Variants in LAMA2 observed in about 807,000 individuals in gnomAD.
LAMA2 encodes laminin subunit alpha 2.
A neutral mutation model predicts 364.8 loss-of-function variants in LAMA2; 269 were observed. The observed-to-expected ratio is 0.74, with a 90% CI of 0.67 to 0.82. LAMA2 has a LOEUF of 0.82. Among genes scored for constraint, LAMA2 ranks in the 40% least tolerant of loss-of-function variants. LAMA2 has a pLI of 0.00. For missense variants in LAMA2, 3,807 were observed against 3,873.2 expected, an observed-to-expected ratio of 0.98 and a Z score of 0.45; for synonymous variants, 1,379 against 1,370.6, an observed-to-expected ratio of 1.01 and a Z score of -0.14.
intron 34 of LAMA2, among the ~76,000 whole-genome samples, chr6:129,378,012 G>T (rs1778473046): frequency 6.6e-6 from 1 of 151,700 alleles, no homozygotes; most frequent in Admixed American, 6.6e-5. Context: ...CAACATAAAA[G>T]AAAAGGTAAT....
chr6:128,976,411 A>T (rs371724487), intron 1 of LAMA2, among the ~76,000 whole-genome samples: 6 of 152,258 alleles, frequency 3.9e-5, no homozygotes, highest in African/African-American at 1.4e-4. Flanking sequence ...ATGATTTGGG[A>T]ATTTTGGCAT....
intron 37 of LAMA2, 130 bp downstream of exon 37, chr6:129,393,385 C>T: frequency 2.7e-6 from 2 of 736,678 alleles, no homozygotes; most frequent in East Asian, 2.7e-5. Flanking sequence ...TGAAAGGGGG[C>T]TTCTAAGAAA....
At chr6:129,420,051 CAAG>C (rs988400208) in intron 40 of LAMA2, among the ~76,000 whole-genome samples, 4 of 151,746 alleles carry the variant, frequency 2.6e-5, no homozygotes, top group African/African-American at 9.7e-5. Context: ...TACAGAAAAG[CAAG>C]AAGAAGAAAA....
intron 55 of LAMA2, among the ~76,000 whole-genome samples, chr6:129,482,174 C>T (rs769824186): frequency 3.3e-5 from 5 of 152,142 alleles, no homozygotes; most frequent in South Asian, 4.1e-4. Flanking sequence ...TGGGCATGGT[C>T]GTGCACAACT....
chr6:129,418,699 T>C (rs1412567636), intron 40 of LAMA2, among the ~76,000 whole-genome samples: 1 of 152,078 alleles, frequency 6.6e-6, no homozygotes. Flanking sequence ...AATTAGATGA[T>C]CTGGCTCCAA....
At chr6:128,926,821 G>C (rs2114503303) in intron 1 of LAMA2, among the ~76,000 whole-genome samples, 1 of 152,282 alleles carries the variant, frequency 6.6e-6, no homozygotes, top group African/African-American at 2.4e-5. Flanking sequence ...AGATGTTTTA[G>C]TATTCATCAG....
intron 12 of LAMA2, among the ~76,000 whole-genome samples, chr6:129,213,337 A>G (rs434529): frequency 0.057 from 8,691 of 152,288 alleles, 822 homozygotes; most frequent in African/African-American, 0.2. Context: ...TGCTATAAAC[A>G]CTTATGTGAT....
chr6:129,349,325 A>T lies in LAMA2; in HGVS notation c.4464A>T (p.Gly1488=), dbSNP rs750264537. Residue 1488 remains glycine, a synonymous_variant, in exon 31 of 65, where the codon GGA becomes GGT. Coordinates refer to ENST00000421865, the MANE Select transcript of LAMA2 (RefSeq NM_000426.4). The part of the protein sequence containing the change: ...NNFSPSCVAE[G]LDDYRCTACP... ...TCAGCCCCTCTTGTGTCGCAGAAGG[A>T]CTTGACGACTACCGCTGCACGGCTT... The T allele has an allele frequency of 8.7e-6, 14 of 1,613,480 alleles. No individual in the cohort carries two copies. Among genetic ancestry groups the T allele is most frequent in the Non-Finnish European group, 1.2e-5 (14 of 1,179,646 alleles).
intron 34 of LAMA2, among the ~76,000 whole-genome samples, chr6:129,374,732 C>A (rs1391308514): frequency 6.6e-6 from 1 of 150,606 alleles, no homozygotes. Flanking sequence ...CACCTGCTAC[C>A]ATGCCCAGCT....
intron 4 of LAMA2, among the ~76,000 whole-genome samples, chr6:129,133,858 A>T (rs527488631): frequency 6.6e-5 from 10 of 152,130 alleles, no homozygotes; most frequent in African/African-American, 2.4e-4. Flanking sequence ...ACACACACAG[A>T]GACAATTCAA....
intron 1 of LAMA2, among the ~76,000 whole-genome samples, chr6:128,930,514 A>T (rs1468193378): frequency 3.3e-5 from 5 of 152,144 alleles, no homozygotes; most frequent in Non-Finnish European, 5.9e-5. Context: ...TTCCAGATGG[A>T]TGCCTGAGTG....
chr6:129,053,696 T>C (rs1221934087), intron 2 of LAMA2, among the ~76,000 whole-genome samples: 3 of 152,316 alleles, frequency 2.0e-5, no homozygotes, highest in East Asian at 3.9e-4. Context: ...CCCTTGCTTT[T>C]GACAACATGG....
chr6:129,505,680 T>G (rs2114902853), intron 61 of LAMA2, among the ~76,000 whole-genome samples: 1 of 152,078 alleles, frequency 6.6e-6, no homozygotes, highest in East Asian at 2.0e-4. Context: ...GGCTAATTTT[T>G]TGTACTTTTA....
intron 1 of LAMA2, chr6:128,929,595 A>G: frequency 1.5e-6 from 2 of 1,311,642 alleles, no homozygotes; most frequent in Non-Finnish European, 2.2e-6. Flanking sequence ...GGAGCCCCAG[A>G]TGCCGCAAAA....
chr6:129,393,277 A>G (rs1210635305), intron 37 of LAMA2, 22 bp downstream of exon 37: 3 of 1,575,248 alleles, frequency 1.9e-6, no homozygotes, highest in African/African-American at 1.3e-5. Context: ...GGGCACTTTT[A>G]TCTTAATCTC....
Position 129,410,277 on chromosome 6 carries a change from T to C in LAMA2, c.5865+6318T>C, listed in dbSNP as rs554608667. 2.0e-5 allele frequency among the ~76,000 whole-genome samples: 3 copies of C among 152,216 alleles called. No homozygotes were observed. The South Asian group carries it at 6.2e-4, about 32-fold the overall frequency. ...GTCAGTGGAATAGTCTAGTTTAACT[T>C]TGATGTAGAAAATTTAGGCAGTCCT... On this transcript the variant is annotated intron_variant, in intron 40 of 64. Transcript: ENST00000421865.
chr6:128,909,181 T>C (rs1777711298), intron 1 of LAMA2, among the ~76,000 whole-genome samples: 2 of 152,052 alleles, frequency 1.3e-5, no homozygotes, highest in Non-Finnish European at 2.9e-5. Flanking sequence ...GTTCAATTCC[T>C]GGGTATCCTT....
At chr6:128,996,631 T>A (rs1783959024) in intron 1 of LAMA2, among the ~76,000 whole-genome samples, 1 of 152,200 alleles carries the variant, frequency 6.6e-6, no homozygotes, top group Non-Finnish European at 1.5e-5. Flanking sequence ...AAACAACAGA[T>A]GCTGGAGAGG....
At position 129,486,552 on chromosome 6, in the gene LAMA2, G is replaced by GTCA. The variant is rs1562608819; in HGVS notation, c.7829_7830insCAT (p.Val2610_Ile2611insMet). 1 of 1,613,988 alleles carries GTCA rather than the reference G, an allele frequency of 6.2e-7. No individual in the cohort carries two copies. Among genetic ancestry groups the GTCA allele is most frequent in the Admixed American group, 1.7e-5 (1 of 60,014 alleles). On this transcript the variant is annotated inframe_insertion, in exon 56 of 65. Transcript: ENST00000421865. Reference sequence around the variant, plus strand: ...AGGGGCACGAACAATGAGGAAAATTGTGATCAGACCAGAGCCGAATCTGTT... The same window carrying GTCA: ...AGGGGCACGAACAATGAGGAAAATTGTCATGATCAGACCAGAGCCGAATCTGTT...
Sources: allele counts gnomAD v4.1 joint callset (sites outside exome capture counted in the v4.1 genomes callset), GRCh38; gene constraint gnomAD v4.1.1; transcripts MANE v1.5; gene names NCBI Gene and HGNC (gene_info 2026-07-23, HGNC 2026-07-21).